RHOU: variants seen among roughly 807,000 people sequenced by gnomAD.
The protein encoded by RHOU is ras homolog family member U.
In RHOU, 8 loss-of-function variants were observed where a neutral mutation model predicts 12.6. The ratio of observed to expected loss-of-function variants is 0.64; its 90% CI spans 0.37 to 1.15. The LOEUF is 1.15. Among genes scored for constraint, RHOU ranks in the 50% most tolerant of loss-of-function variants. The pLI is 0.01. For missense variants in RHOU, 258 were observed against 347.0 expected (o/e 0.74, Z 2.04); for synonymous variants, 161 against 147.4 (o/e 1.09, Z -0.67).
the RHOU span, among the ~76,000 whole-genome samples, chr1:228,710,509 C>T: frequency 3.2e-4 from 48 of 152,192 alleles, no homozygotes; most frequent in Admixed American, 2.6e-4. Context: ...GTTCAATATA[C>T]GCAAATCAAT....
chr1:228,647,107 C>T, the RHOU span, among the ~76,000 whole-genome samples: 1 of 152,156 alleles, frequency 6.6e-6, no homozygotes, highest in Admixed American at 6.5e-5. Context: ...TAGGCAGCCC[C>T]CTTTTGAGCA....
At chr1:228,741,072 G>A (rs1662711680) in intron 2 of RHOU, among the ~76,000 whole-genome samples, 1 of 151,670 alleles carries the variant, frequency 6.6e-6, no homozygotes, top group Non-Finnish European at 1.5e-5. Context: ...GACCCATAAA[G>A]TACTTGGAAA....
the RHOU span, among the ~76,000 whole-genome samples, chr1:228,686,214 A>G: frequency 6.6e-6 from 1 of 152,110 alleles, no homozygotes. Flanking sequence ...AAAATAACTA[A>G]CTCATGAGGT....
At chr1:228,682,307 C>T in the RHOU span, among the ~76,000 whole-genome samples, 1 of 152,222 alleles carries the variant, frequency 6.6e-6, no homozygotes, top group Non-Finnish European at 1.5e-5. Context: ...GGACAGGGGA[C>T]TGGTCTCCCG....
the RHOU span, among the ~76,000 whole-genome samples, chr1:228,681,494 AAGG>A: frequency 6.6e-6 from 1 of 152,076 alleles, no homozygotes; most frequent in Non-Finnish European, 1.5e-5. Flanking sequence ...GGAGGGAAAG[AAGG>A]AGGATTTGGG....
chr1:228,692,499 T>C, the RHOU span, among the ~76,000 whole-genome samples: 2 of 152,238 alleles, frequency 1.3e-5, no homozygotes, highest in African/African-American at 4.8e-5. Context: ...AAGAACTTAC[T>C]TGGCCACAGA....
the RHOU span, among the ~76,000 whole-genome samples, chr1:228,720,953 C>T: frequency 6.6e-6 from 1 of 152,204 alleles, no homozygotes; most frequent in Non-Finnish European, 1.5e-5. Flanking sequence ...CCCAGGTTTG[C>T]ACAGCAGTTG....
At chr1:228,650,490 C>T in the RHOU span, 94 of 456,500 alleles carry the variant, frequency 2.1e-4, no homozygotes, top group African/African-American at 1.7e-3. Context: ...TCCTGGTGGC[C>T]GTGATGGTGC....
At chr1:228,647,178 C>A in the RHOU span, among the ~76,000 whole-genome samples, 4 of 152,176 alleles carry the variant, frequency 2.6e-5, no homozygotes, top group Non-Finnish European at 5.9e-5. Context: ...GCGGCCCGTG[C>A]GAGAGGACCA....
the RHOU span, among the ~76,000 whole-genome samples, chr1:228,727,968 T>C: frequency 3.3e-5 from 5 of 149,776 alleles, no homozygotes; most frequent in African/African-American, 1.3e-4. Flanking sequence ...GGGAGGGAAG[T>C]TGGAAATGAA....
the RHOU span, among the ~76,000 whole-genome samples, chr1:228,656,433 C>A: frequency 3.8e-4 from 58 of 152,180 alleles, no homozygotes; most frequent in African/African-American, 1.2e-3. Context: ...CCAAAAATAC[C>A]ATTCACTTTT....
the RHOU span, among the ~76,000 whole-genome samples, chr1:228,704,787 T>C: frequency 1.3e-5 from 2 of 152,074 alleles, no homozygotes; most frequent in Non-Finnish European, 2.9e-5. Context: ...TTGCCTTTTA[T>C]AAAGAATTTT....
intron 2 of RHOU, among the ~76,000 whole-genome samples, chr1:228,739,699 G>A (rs1662683957): frequency 6.6e-6 from 1 of 152,228 alleles, no homozygotes; most frequent in Non-Finnish European, 1.5e-5. Context: ...GAGCCTTACG[G>A]GCTGGAGCAG....
chr1:228,723,506 G>A, the RHOU span, among the ~76,000 whole-genome samples: 1 of 152,218 alleles, frequency 6.6e-6, no homozygotes, highest in African/African-American at 2.4e-5. Flanking sequence ...AGGATATGTG[G>A]GGGTGGCCAT....
the RHOU span, among the ~76,000 whole-genome samples, chr1:228,665,784 T>G: frequency 1.3e-5 from 2 of 152,264 alleles, no homozygotes; most frequent in Admixed American, 1.3e-4. Flanking sequence ...TCCACATTGG[T>G]GAGGACAGAT....
chr1:228,717,863 A>C, the RHOU span, among the ~76,000 whole-genome samples: 1 of 152,222 alleles, frequency 6.6e-6, no homozygotes, highest in African/African-American at 2.4e-5. Context: ...AGTTAATTCA[A>C]GATCAGAAGA....
At chr1:228,740,399 A>T (rs1662697507) in intron 2 of RHOU, among the ~76,000 whole-genome samples, 1 of 152,206 alleles carries the variant, frequency 6.6e-6, no homozygotes, top group South Asian at 2.1e-4. Flanking sequence ...AGACTTTTAG[A>T]ACCAACTTCA....
At chr1:228,654,063 A>G in the RHOU span, among the ~76,000 whole-genome samples, 1 of 151,534 alleles carries the variant, frequency 6.6e-6, no homozygotes, top group South Asian at 2.1e-4. Flanking sequence ...TCTTCCATGT[A>G]AGTACCAAGA....
In RHOU at chr1:228,735,750, C is replaced by T; in HGVS notation, c.8C>T (p.Pro3Leu). The T allele has an allele frequency of 1.7e-6, 2 of 1,206,888 alleles. No homozygotes were observed. The highest frequency in any genetic ancestry group is 2.1e-6 in the Non-Finnish European group (2 of 972,482). 74.8% of individuals were successfully genotyped at this position (1,206,888 alleles called of 1,614,324 possible). Residue 3 changes from proline to leucine, a missense_variant, in exon 1 of 3, where the codon CCG (proline) becomes CTG (leucine). Transcript: ENST00000366691. The surrounding 1 kb of genome is among the most constrained non-coding windows in gnomAD (Gnocchi z 8.1). Reference protein sequence around the residue: MPPQQGDPAFPDR... With the variant: MPLQQGDPAFPDR... ...GCCCGCGCTCGCGGATCGATGCCCC[C>T]GCAGCAGGGGGACCCCGCGTTCCCC...
Sources: allele counts gnomAD v4.1 joint callset (sites outside exome capture counted in the v4.1 genomes callset), GRCh38; gene constraint gnomAD v4.1.1; non-coding constraint Gnocchi (gnomAD v3.1); transcripts MANE v1.5; gene names NCBI Gene and HGNC (gene_info 2026-07-23, HGNC 2026-07-21).